The following CNTNAP2 variants were observed in gnomAD, a reference collection of about 807,000 sequenced individuals.
CNTNAP2 encodes the protein contactin-associated protein-like 2.
In CNTNAP2, 98 loss-of-function variants were observed where a neutral mutation model predicts 155.2. That is an observed-to-expected ratio of 0.63 (90% CI 0.54 to 0.75). The LOEUF (loss-of-function observed/expected upper bound fraction) is 0.75, where lower values mean the gene tolerates loss of function less well. Among genes scored for constraint, CNTNAP2 ranks in the 30% least tolerant of loss-of-function variants. The pLI is 0.00. For synonymous variants in CNTNAP2, 651 were observed against 631.2 expected (o/e 1.03, Z -0.47); for missense variants, 1,727 against 1,688.1 (o/e 1.02, Z -0.40).
chr7:147,313,657 T>C (rs7807639), intron 9 of CNTNAP2, among the ~76,000 whole-genome samples: 74,017 of 151,380 alleles, frequency 0.49, 19,286 homozygotes, highest in East Asian at 0.73. Flanking sequence ...GCTGTTTTGG[T>C]TACTGTAGCC....
At chr7:146,370,854 C>T (rs1795224329) in intron 1 of CNTNAP2, among the ~76,000 whole-genome samples, 1 of 151,798 alleles carries the variant, frequency 6.6e-6, no homozygotes, top group African/African-American at 2.4e-5. Flanking sequence ...GTGCAAAAGC[C>T]CATTTTTATA....
intron 2 of CNTNAP2, among the ~76,000 whole-genome samples, chr7:146,812,445 A>ATATATATATATATAT (rs1386547927): frequency 4.4e-4 from 63 of 144,548 alleles, no homozygotes; most frequent in African/African-American, 1.5e-3. Context: ...ATATATAAAA[A>ATATATATATATATAT]ATATATATAT....
chr7:146,687,070 T>A (rs1279819956), intron 1 of CNTNAP2, among the ~76,000 whole-genome samples: 1 of 152,220 alleles, frequency 6.6e-6, no homozygotes, highest in Non-Finnish European at 1.5e-5. Context: ...AGATCACTAT[T>A]ATTGTGTCAT....
At chr7:147,173,655 T>C (rs1436848388) in intron 8 of CNTNAP2, among the ~76,000 whole-genome samples, 2 of 152,190 alleles carry the variant, frequency 1.3e-5, no homozygotes, top group African/African-American at 4.8e-5. Flanking sequence ...TAGACAGGCA[T>C]TCACCTGGTG....
intron 1 of CNTNAP2, among the ~76,000 whole-genome samples, chr7:146,407,905 AT>A (rs1316781937): frequency 4.6e-5 from 7 of 151,802 alleles, no homozygotes; most frequent in Admixed American, 1.3e-4. Context: ...AATATAAAAT[AT>A]TTTTTTCTTA....
At chr7:146,713,840 A>G (rs1031394335) in intron 1 of CNTNAP2, among the ~76,000 whole-genome samples, 1 of 152,038 alleles carries the variant, frequency 6.6e-6, no homozygotes, top group Non-Finnish European at 1.5e-5. Flanking sequence ...CAGGTGTCTT[A>G]ACTTCTCTAT....
intron 1 of CNTNAP2, among the ~76,000 whole-genome samples, chr7:146,745,224 A>C (rs1418128228): frequency 6.6e-6 from 1 of 152,162 alleles, no homozygotes; most frequent in African/African-American, 2.4e-5. Flanking sequence ...TTTTCACTTT[A>C]TTTACAAACA....
intron 10 of CNTNAP2, among the ~76,000 whole-genome samples, chr7:147,398,588 A>AATTT: frequency 1.9e-5 from 1 of 52,114 alleles, no homozygotes. Flanking sequence ...TACGATTTGA[A>AATTT]CTTTTTTTTT....
chr7:147,632,142 A>T (rs1378092039), intron 12 of CNTNAP2, among the ~76,000 whole-genome samples: 1 of 152,190 alleles, frequency 6.6e-6, no homozygotes, highest in Non-Finnish European at 1.5e-5. Context: ...ACAAAAAACC[A>T]ATCCCATCAA....
chr7:146,679,603 C>A (rs1800466660), intron 1 of CNTNAP2, among the ~76,000 whole-genome samples: 1 of 152,122 alleles, frequency 6.6e-6, no homozygotes, highest in Non-Finnish European at 1.5e-5. Flanking sequence ...GATCCGCCTG[C>A]CTTGGCCTCC....
At chr7:147,660,461 A>G (rs1266811031) in intron 13 of CNTNAP2, among the ~76,000 whole-genome samples, 1 of 152,158 alleles carries the variant, frequency 6.6e-6, no homozygotes, top group African/African-American at 2.4e-5. Context: ...TCTCGCTTTA[A>G]ATTCTTCCCT....
intron 1 of CNTNAP2, among the ~76,000 whole-genome samples, chr7:146,556,698 C>T (rs1455300581): frequency 6.6e-6 from 1 of 152,088 alleles, no homozygotes; most frequent in Non-Finnish European, 1.5e-5. Flanking sequence ...TTGAAACAAA[C>T]ATTACCCATA....
At chr7:146,810,821 T>C (rs925782115) in intron 2 of CNTNAP2, among the ~76,000 whole-genome samples, 3 of 152,196 alleles carry the variant, frequency 2.0e-5, no homozygotes, top group Non-Finnish European at 4.4e-5. Flanking sequence ...TCTACAACTA[T>C]TTTGTTGAGA....
intron 1 of CNTNAP2, among the ~76,000 whole-genome samples, chr7:146,336,951 G>A (rs1472549429): frequency 6.6e-6 from 1 of 152,144 alleles, no homozygotes; most frequent in African/African-American, 2.4e-5. Context: ...TGCAGGGAGA[G>A]GATGGGTCTG....
chr7:146,624,260 T>G (rs1255940313), intron 1 of CNTNAP2, among the ~76,000 whole-genome samples: 1 of 152,084 alleles, frequency 6.6e-6, no homozygotes, highest in Non-Finnish European at 1.5e-5. Context: ...ATTTTAAACT[T>G]TAATAACGTC....
At chr7:146,841,187 C>T (rs1585117017) in intron 3 of CNTNAP2, among the ~76,000 whole-genome samples, 1 of 152,298 alleles carries the variant, frequency 6.6e-6, no homozygotes, top group Non-Finnish European at 1.5e-5. Context: ...GATTTTAAAG[C>T]TCCGATGGTG....
chr7:147,620,669 A>C (rs10249151), intron 12 of CNTNAP2, among the ~76,000 whole-genome samples: 13,655 of 152,018 alleles, frequency 0.09, 1,706 homozygotes, highest in African/African-American at 0.26. Context: ...GCTTGAAGAC[A>C]GGTTATTTGA....
intron 21 of CNTNAP2, among the ~76,000 whole-genome samples, chr7:148,301,775 C>T (rs1447933357): frequency 2.0e-5 from 3 of 152,030 alleles, no homozygotes; most frequent in East Asian, 1.9e-4. Context: ...CCAGGGGGTC[C>T]GTAGAACAGC....
chr7:146,705,489 A>G (rs1800947213), intron 1 of CNTNAP2, among the ~76,000 whole-genome samples: 1 of 152,024 alleles, frequency 6.6e-6, no homozygotes, highest in South Asian at 2.1e-4. Context: ...ATGACCTATC[A>G]CCCCGCAAAA....
Sources: gnomAD v4.1 joint callset for allele counts (sites outside exome capture counted in the v4.1 genomes callset) on GRCh38, gnomAD v4.1.1 for gene constraint, MANE v1.5 for transcripts, NCBI Gene and HGNC (gene_info 2026-07-23, HGNC 2026-07-21) for gene names.